The following SCAF8 variants were observed in gnomAD, a reference collection of about 807,000 sequenced individuals.
SCAF8 encodes SR-related CTD associated factor 8.
In SCAF8, 23 loss-of-function variants were observed where a neutral mutation model predicts 140.5. The ratio of observed to expected loss-of-function variants is 0.16; its 90% CI spans 0.12 to 0.23. The LOEUF is 0.23. SCAF8 is among the 10% of genes least tolerant of loss of function. The pLI is 1.00. For missense variants in SCAF8, 1,397 were observed against 1,555.7 expected, an observed-to-expected ratio of 0.90 and a Z score of 1.72; for synonymous variants, 575 against 528.9, an observed-to-expected ratio of 1.09 and a Z score of -1.20.
Position 154,795,034 on chromosome 6 carries a change from G to C in SCAF8, c.501G>C (p.Pro167=), listed in dbSNP as rs143145134. 2 of 1,608,478 alleles carry C rather than the reference G, an allele frequency of 1.2e-6. No individual in the cohort carries two copies. Among genetic ancestry groups the C allele is most frequent in the South Asian group, 1.1e-5 (1 of 89,954 alleles). The change falls in exon 6 of 20, where the codon CCG becomes CCC. Residue 167 remains proline, a synonymous_variant. Transcript: ENST00000367178. ...GAACTCCTGTGACACCTGTTACTCC[G>C]GCCAATGTGGTCCAAGGCTTACCTG... is the stretch of plus-strand genomic sequence containing the variant. ...TPGTPVTPVT[P]ANVVQGLPDP...
chr6:154,754,997 C>G (rs893614912), intron 1 of SCAF8, among the ~76,000 whole-genome samples: 1 of 152,122 alleles, frequency 6.6e-6, no homozygotes, highest in Admixed American at 6.5e-5. Context: ...CATAAATACT[C>G]AAAGTTGAAA....
Position 154,833,019 on chromosome 6 carries a change from G to A in SCAF8, c.3440G>A (p.Arg1147Lys), listed in dbSNP as rs775971130. ...WNRGFGQEVH[R>K]DFDDRRRPWE... is the part of the protein sequence containing the mutation. ...CGAGGATTTGGACAAGAAGTTCACAGAGATTTTGATGACCGCAGAAGACCC... is the reference window on the plus strand; with the variant it reads ...CGAGGATTTGGACAAGAAGTTCACAAAGATTTTGATGACCGCAGAAGACCC... Residue 1147 changes from arginine to lysine, a missense_variant, in exon 20 of 20, where the codon AGA becomes AAA. This residue lies in a region of SCAF8 where 930 missense variants were observed against 874.6 expected (regional missense o/e 1.06). Transcript: ENST00000367178. 6.2e-7 allele frequency: 1 copy of A among 1,614,174 alleles called. No homozygotes were observed. The highest frequency in any genetic ancestry group is 8.5e-7 in the Non-Finnish European group (1 of 1,180,030).
rs1778797604 is a variant in SCAF8, at chr6:154,833,016, A to G, written c.3437A>G (p.His1146Arg). 6.2e-7 allele frequency: 1 copy of G among 1,614,176 alleles called. No homozygotes were observed. Among genetic ancestry groups the G allele is most frequent in the Middle Eastern group, 1.6e-4 (1 of 6,062 alleles). The change falls in exon 20 of 20, where the codon CAC becomes CGC. Residue 1146 changes from histidine to arginine, a missense_variant. Physicochemically the swap from His to Arg is conservative, Grantham distance 29. Coordinates refer to ENST00000367178, the MANE Select transcript of SCAF8 (RefSeq NM_014892.5). ...PWNRGFGQEVHRDFDDRRRPW... is the reference protein window; with the variant it reads ...PWNRGFGQEVRRDFDDRRRPW... ...AACCGAGGATTTGGACAAGAAGTTC[A>G]CAGAGATTTTGATGACCGCAGAAGA... is the stretch of plus-strand genomic sequence containing the variant.
chr6:154,812,292 CT>C (rs759236847), intron 12 of SCAF8, among the ~76,000 whole-genome samples: 2,784 of 38,780 alleles, frequency 0.072, 90 homozygotes, highest in African/African-American at 0.24. Context: ...TCTATGTCAG[CT>C]TTTTTTTTTT....
chr6:154,805,731 G>C (rs914175158), intron 9 of SCAF8, among the ~76,000 whole-genome samples: 3 of 151,456 alleles, frequency 2.0e-5, no homozygotes, highest in Admixed American at 6.6e-5. Context: ...ATTGTGTTCT[G>C]GTAACTTATG....
chr6:154,820,854 T>C (rs1017361863), intron 15 of SCAF8, among the ~76,000 whole-genome samples: 1 of 152,180 alleles, frequency 6.6e-6, no homozygotes, highest in East Asian at 1.9e-4. Flanking sequence ...TTTTAAAAGA[T>C]TTCAATTAAA....
Position 154,808,671 on chromosome 6 carries a change from CT to C in SCAF8, c.1114-11del, listed in dbSNP as rs1777998316. ...CCAGCCTTTCTGTTTGTTTGCTGTT[CT>C]TTTGACTTTCAAGGATATGGATATA... is the stretch of plus-strand genomic sequence containing the variant. On this transcript the variant is annotated splice_polypyrimidine_tract_variant and intron_variant, in intron 10 of 19. Transcript: ENST00000367178. The C allele has an allele frequency of 1.3e-6, 2 of 1,517,302 alleles. No individual in the cohort carries two copies. Among genetic ancestry groups the C allele is most frequent in the Non-Finnish European group, 1.8e-6 (2 of 1,092,160 alleles). 94.0% of individuals were successfully genotyped at this position (1,517,302 alleles called of 1,614,324 possible).
At chr6:154,826,410 T>A (rs572079643) in intron 17 of SCAF8, among the ~76,000 whole-genome samples, 1 of 152,280 alleles carries the variant, frequency 6.6e-6, no homozygotes, top group African/African-American at 2.4e-5. Context: ...AATATGTGTA[T>A]CATGTAATTT....
chr6:154,808,459 A>ATT (rs60459651), intron 10 of SCAF8, among the ~76,000 whole-genome samples: 192 of 147,338 alleles, frequency 1.3e-3, no homozygotes, highest in Non-Finnish European at 1.8e-3. Flanking sequence ...TGTTTTTGCG[A>ATT]TTTTTTTTTT....
chr6:154,792,807 T>G lies in SCAF8; in HGVS notation c.322-16T>G, dbSNP rs1311170972. 2 of 1,563,612 alleles carry G rather than the reference T, an allele frequency of 1.3e-6. No individual in the cohort carries two copies. The highest frequency in any genetic ancestry group is 2.8e-5 in the African/African-American group (2 of 72,602). ...GAGAGTAAAAACCAAAATGTCATGTTTCTTTTTTTCTCTAGAGTAAAATAG... is the reference window on the plus strand; with the variant it reads ...GAGAGTAAAAACCAAAATGTCATGTGTCTTTTTTTCTCTAGAGTAAAATAG... On this transcript the variant is annotated splice_polypyrimidine_tract_variant and intron_variant, in intron 4 of 19. Coordinates refer to ENST00000367178, the MANE Select transcript of SCAF8 (RefSeq NM_014892.5).
intron 12 of SCAF8, among the ~76,000 whole-genome samples, chr6:154,815,367 G>T (rs7766968): frequency 0.42 from 64,088 of 151,932 alleles, 14,492 homozygotes; most frequent in East Asian, 0.9. Flanking sequence ...AAACTTTGTT[G>T]CACATTAGAA....
rs760439337 is a variant in SCAF8, at chr6:154,831,964, T to C, written c.2385T>C (p.Asn795=). Residue 795 remains asparagine (N), a synonymous_variant, in exon 20 of 20, where the codon AAT becomes AAC. Coordinates refer to ENST00000367178, the MANE Select transcript of SCAF8 (RefSeq NM_014892.5). ...RSVIPNDISS[N]AAILGGQPPN... ...TGATTCCAAATGATATTTCAAGTAA[T>C]GCTGCAATTTTAGGAGGACAGCCGC... The C allele has an allele frequency of 1.9e-6, 3 of 1,603,340 alleles. No individual in the cohort carries two copies. The highest frequency in any genetic ancestry group is 2.6e-6 in the Non-Finnish European group (3 of 1,176,246).
chr6:154,830,522 CCTAGTA>C (rs201868591), intron 18 of SCAF8, among the ~76,000 whole-genome samples: 2,561 of 152,158 alleles, frequency 0.017, 28 homozygotes, highest in Non-Finnish European at 0.024. Context: ...ATGTTAGGAC[CCTAGTA>C]CATTGTAATT....
intron 13 of SCAF8, among the ~76,000 whole-genome samples, chr6:154,817,184 T>C (rs72993473): frequency 0.017 from 2,561 of 152,306 alleles, 28 homozygotes; most frequent in Non-Finnish European, 0.024. Context: ...TTTGAAAAAT[T>C]AGGGATGCCC....
intron 1 of SCAF8, among the ~76,000 whole-genome samples, chr6:154,762,120 C>A (rs1040917041): frequency 6.6e-6 from 1 of 152,168 alleles, no homozygotes; most frequent in Non-Finnish European, 1.5e-5. Context: ...TCACTTATTT[C>A]TTCTACTGTA....
At position 154,774,018 on chromosome 6, in the gene SCAF8, C is replaced by G. The variant is rs770313414; in HGVS notation, c.60C>G (p.Pro20=). 6.2e-7 allele frequency: 1 copy of G among 1,613,064 alleles called. No individual in the cohort carries two copies. Among genetic ancestry groups the G allele is most frequent in the South Asian group, 1.1e-5 (1 of 91,044 alleles). The change falls in exon 2 of 20, where the codon CCC becomes CCG. Residue 20 remains proline (P), a synonymous_variant. Coordinates refer to ENST00000367178, the MANE Select transcript of SCAF8 (RefSeq NM_014892.5). ...ATTCCCTGAATGACTATAAACCACCCATTTCGAAAGCGAAAATGACCCAAA... is the reference window on the plus strand; with the variant it reads ...ATTCCCTGAATGACTATAAACCACCGATTTCGAAAGCGAAAATGACCCAAA... ...ELYSLNDYKP[P]ISKAKMTQIT...
chr6:154,808,047 G>T, intron 9 of SCAF8, 23 bp from the exon 10 acceptor site: 4 of 1,586,840 alleles, frequency 2.5e-6, no homozygotes, highest in Non-Finnish European at 3.4e-6. Context: ...CAATCTTTGT[G>T]TGTTTGTATA....
In SCAF8 at chr6:154,742,506, A is replaced by T. The variant is rs561218674; in HGVS notation, c.30+8576A>T. ...TATTGATTATGAGAAATAAATGCTGATGAGAAATGTTTCTATAGTTTGTGA... is the reference window on the plus strand; with the variant it reads ...TATTGATTATGAGAAATAAATGCTGTTGAGAAATGTTTCTATAGTTTGTGA... On this transcript the variant is annotated intron_variant, in intron 1 of 19. Transcript: ENST00000367178. 6.8e-4 allele frequency among the ~76,000 whole-genome samples: 103 copies of T among 152,328 alleles called. 2 individuals carry two copies. The South Asian group carries it at 0.017, about 26-fold the overall frequency.
intron 6 of SCAF8, among the ~76,000 whole-genome samples, chr6:154,799,405 G>A (rs1355479894): frequency 6.6e-6 from 1 of 151,222 alleles, no homozygotes; most frequent in Non-Finnish European, 1.5e-5. Flanking sequence ...AAGCCATCGT[G>A]CCTGCACTAA....
Sources: allele counts gnomAD v4.1 joint callset (sites outside exome capture counted in the v4.1 genomes callset), GRCh38; gene constraint gnomAD v4.1.1; regional missense constraint gnomAD v4.1.1; transcripts MANE v1.5; gene names NCBI Gene and HGNC (gene_info 2026-07-23, HGNC 2026-07-21).